The following DDX11 variants were observed in gnomAD, a reference collection of about 807,000 sequenced individuals.
The protein encoded by DDX11 is DEAD/H-box helicase 11.
DDX11 carries 72 observed loss-of-function variants against 125.2 expected under a neutral mutation model. The ratio of observed to expected loss-of-function variants is 0.58; its 90% CI spans 0.48 to 0.70. DDX11 has a LOEUF of 0.70. Ranked by LOEUF, DDX11 falls within the 30% of genes least tolerant of loss-of-function variation. The pLI, the probability that DDX11 is intolerant of heterozygous loss-of-function variation, is 0.00. For synonymous variants in DDX11, 347 were observed against 452.6 expected, an observed-to-expected ratio of 0.77 and a Z score of 2.96; for missense variants, 883 against 1,165.0, an observed-to-expected ratio of 0.76 and a Z score of 3.52.
At chr12:31,074,883 C>CT (rs1339091360) in intron 1 of DDX11, among the ~76,000 whole-genome samples, 1 of 152,202 alleles carries the variant, frequency 6.6e-6, no homozygotes, top group Non-Finnish European at 1.5e-5. Context: ...AACTGGGTGG[C>CT]TTAGACACAG....
intron 2 of DDX11, among the ~76,000 whole-genome samples, chr12:31,083,476 T>G (rs1942431734): frequency 6.6e-6 from 1 of 152,182 alleles, no homozygotes. Flanking sequence ...TTAATTCTTT[T>G]AGGGGACTTT....
Position 31,095,270 on chromosome 12 carries a change from A to T in DDX11, c.1482+448A>T, listed in dbSNP as rs559665542. 4.6e-5 allele frequency among the ~76,000 whole-genome samples: 7 copies of T among 152,326 alleles called. 1 individual carries two copies. The highest frequency in any genetic ancestry group is 1.7e-4 in the African/African-American group (7 of 41,578). ...CACGGCCACTGCCGCCTGAACCCCA[A>T]GCTCGTAACTCAAATCAGCAACAGT... is the stretch of plus-strand genomic sequence containing the variant. On this transcript the variant is annotated intron_variant, in intron 14 of 26. Coordinates refer to ENST00000542838, the MANE Select transcript of DDX11 (RefSeq NM_030653.4).
intron 1 of DDX11, chr12:31,074,401 C>T (rs151200747): frequency 5.1e-4 from 77 of 152,322 alleles, no homozygotes; most frequent in African/African-American, 1.8e-3. Flanking sequence ...AGCAAGGATA[C>T]AGCTGGGATC....
At chr12:31,088,942 C>A in intron 6 of DDX11, 102 bp from the exon 7 acceptor site, 1 of 920,632 alleles carries the variant, frequency 1.1e-6, no homozygotes. Context: ...GGGAGCCACT[C>A]CCTTTCCCTC....
Position 31,078,555 on chromosome 12 carries a change from G to T in DDX11, c.144+18G>T. ...CTGGCACTGTGAGTATGAACAGTGAGAGATACTGAAAAGGACAACTTAACA... is the reference window on the plus strand; with the variant it reads ...CTGGCACTGTGAGTATGAACAGTGATAGATACTGAAAAGGACAACTTAACA... On this transcript the variant is annotated intron_variant, in intron 2 of 26. Transcript: ENST00000542838. 1 of 1,611,892 alleles carries T rather than the reference G, an allele frequency of 6.2e-7. No individual in the cohort carries two copies. The highest frequency in any genetic ancestry group is 1.3e-5 in the African/African-American group (1 of 74,970).
intron 18 of DDX11, among the ~76,000 whole-genome samples, chr12:31,098,342 G>A (rs61918663): frequency 0.045 from 3,449 of 76,644 alleles, no homozygotes; most frequent in Admixed American, 0.063. Flanking sequence ...CTTTGTAGGC[G>A]TAATTTTTAC....
intron 9 of DDX11, among the ~76,000 whole-genome samples, chr12:31,090,436 A>C (rs1944003738): frequency 6.7e-6 from 1 of 150,042 alleles, no homozygotes; most frequent in African/African-American, 2.5e-5. Context: ...GATGCTCCCA[A>C]CTTCCATGCC....
At position 31,092,772 on chromosome 12, in the gene DDX11, C is replaced by G. The variant is rs571200106; in HGVS notation, c.1243-74C>G. On this transcript the variant is annotated intron_variant, in intron 10 of 26. Transcript: ENST00000542838. ...CCTGTGTGTCCAGGGCCAGCATCTTCTAGGTGAATCTAAGATGTCAGTACC... is the reference window on the plus strand; with the variant it reads ...CCTGTGTGTCCAGGGCCAGCATCTTGTAGGTGAATCTAAGATGTCAGTACC... The G allele has an allele frequency of 4.1e-6, 6 of 1,479,906 alleles. No individual in the cohort carries two copies. In the East Asian group the frequency reaches 1.1e-4, roughly 28 times the overall value. The allele number at this position is 1,479,906 out of a possible 1,614,324, so 91.7% of individuals were successfully genotyped here. A position where few individuals can be genotyped will look rare whatever the true frequency, so the allele number is the denominator to read the frequency against.
chr12:31,089,239 G>A, intron 7 of DDX11, 88 bp downstream of exon 7: 2 of 1,405,300 alleles, frequency 1.4e-6, no homozygotes, highest in Non-Finnish European at 2.0e-6. Flanking sequence ...GGGAGACGCT[G>A]GGTCTGTGAC....
Position 31,078,267 on chromosome 12 carries a change from C to G in DDX11, c.-4-123C>G, listed in dbSNP as rs1480772728. 2.5e-6 allele frequency: 4 copies of G among 1,597,064 alleles called. No individual in the cohort carries two copies. The South Asian group carries it at 4.5e-5, about 18-fold the overall frequency. ...GATGGAGAGAACATGGTCTCTGCTT[C>G]CCAGAAAAAAGGAGAAATTTGGTAA... On this transcript the variant is annotated intron_variant, in intron 1 of 26. Coordinates refer to ENST00000542838, the MANE Select transcript of DDX11 (RefSeq NM_030653.4).
chr12:31,084,606 G>T lies in DDX11; in HGVS notation c.417G>T (p.Gln139His), dbSNP rs1343228027. 3 of 1,599,022 alleles carry T rather than the reference G, an allele frequency of 1.9e-6. No individual in the cohort carries two copies. The highest frequency in any genetic ancestry group is 3.4e-5 in the Admixed American group (2 of 58,416). Residue 139 changes from glutamine (Q) to histidine (H), a missense_variant, in exon 4 of 27, where the codon CAG becomes CAT. Around this residue, in one of 5 missense-constraint regions of DDX11, gnomAD observed 283 missense variants for 359.6 expected, o/e 0.79. Transcript: ENST00000542838. ...AGGCGGAGCAGGCCAGGAGGAAGCA[G>T]CGAGAAGAACGCCTGCAGCAGCTGC... Reference protein sequence around the residue: ...RLKAEQARRKQREERLQQLQH... With the variant: ...RLKAEQARRKHREERLQQLQH...
chr12:31,091,080 A>G (rs540803614), intron 9 of DDX11: 1 of 152,330 alleles, frequency 6.6e-6, no homozygotes, highest in South Asian at 2.1e-4. Context: ...GAGCCCAGAA[A>G]AGTTAAGTGA....
chr12:31,089,221 C>G, intron 7 of DDX11, 70 bp downstream of exon 7: 2 of 1,482,832 alleles, frequency 1.3e-6, no homozygotes, highest in Non-Finnish European at 1.9e-6. Flanking sequence ...CCTGCTCGTC[C>G]AGGCCTTGGG....
chr12:31,101,902 C>T lies in DDX11; in HGVS notation c.2122C>T (p.Pro708Ser), dbSNP rs558030321. The T allele has an allele frequency of 2.6e-5, 42 of 1,613,876 alleles. 1 individual carries two copies. In the South Asian group the frequency reaches 3.2e-4, roughly 12 times the overall value. Residue 708 changes from proline (P) to serine (S), a missense_variant, in exon 21 of 27, where the codon CCC (proline) becomes TCC (serine). Physicochemically the swap from Pro to Ser is moderately conservative, Grantham distance 74 (BLOSUM62 -1). Transcript: ENST00000542838. ...VVPGGVVCFF[P>S]SYEYLRQVHA... ...TCCTGGAGGGGTGGTCTGTTTCTTC[C>T]CCTCCTACGAGTACCTGCGCCAGGT...
rs1941721257 is a variant in DDX11 at position 31,080,609 on chromosome 12, A to G, written c.144+2072A>G. 2.6e-5 allele frequency among the ~76,000 whole-genome samples: 4 copies of G among 151,598 alleles called. No individual in the cohort carries two copies. In the South Asian group the frequency reaches 6.3e-4, roughly 24 times the overall value. On this transcript the variant is annotated intron_variant, in intron 2 of 26. Transcript: ENST00000542838. ...GGGCTTGAGTGTCTCTGCCGAAATC[A>G]CTTCCATGTCTCTGCCTTCTTTCCC...
In DDX11 at chr12:31,093,248, G is replaced by T; in HGVS notation, c.1293G>T (p.Lys431Asn). ...ATGTCCGTTGGCTTCTTCTCAGGAA[G>T]CGTTTGAAGGCCAAGAACCTGATGT... Reference protein sequence around the residue: ...QLLQYVERYGKRLKAKNLMYL... With the variant: ...QLLQYVERYGNRLKAKNLMYL... The change falls in exon 12 of 27, where the codon AAG becomes AAT. Residue 431 changes from lysine (K) to asparagine (N), a missense_variant. Physicochemically the swap from Lys to Asn is moderately conservative, Grantham distance 94. This residue lies in a region of DDX11 where 241 missense variants were observed against 279.7 expected (regional missense o/e 0.86). Transcript: ENST00000542838. The T allele has an allele frequency of 6.2e-7, 1 of 1,612,702 alleles. No individual in the cohort carries two copies. The highest frequency in any genetic ancestry group is 8.5e-7 in the Non-Finnish European group (1 of 1,179,236).
intron 2 of DDX11, among the ~76,000 whole-genome samples, chr12:31,082,168 T>C (rs1182597656): frequency 6.9e-6 from 1 of 145,362 alleles, no homozygotes; most frequent in Non-Finnish European, 1.5e-5. Context: ...CTTTCAAGAT[T>C]TTGATGAAAA....
intron 5 of DDX11, 130 bp downstream of exon 5, chr12:31,085,256 A>C: frequency 7.6e-7 from 1 of 1,310,536 alleles, no homozygotes; most frequent in East Asian, 2.5e-5. Context: ...CTCTGCTCTA[A>C]GCCGGGTCCT....
At chr12:31,099,171 T>C (rs1415436751) in intron 18 of DDX11, among the ~76,000 whole-genome samples, 24 of 144,826 alleles carry the variant, frequency 1.7e-4, no homozygotes, top group African/African-American at 5.5e-4. Context: ...CTCTGCAACC[T>C]CTGCCTCCGG....
Sources: gnomAD v4.1 joint callset for allele counts (sites outside exome capture counted in the v4.1 genomes callset) on GRCh38, gnomAD v4.1.1 for gene constraint, gnomAD v4.1.1 regional missense constraint, MANE v1.5 for transcripts, NCBI Gene and HGNC (gene_info 2026-07-23, HGNC 2026-07-21) for gene names.